Variants in COP1 observed in about 807,000 individuals in gnomAD.
COP1 encodes COP1 E3 ubiquitin ligase.
Under a neutral mutation model 101.3 loss-of-function variants are expected in COP1, and 24 were observed. The observed-to-expected ratio is 0.24, with a 90% CI of 0.17 to 0.33. COP1 has a LOEUF of 0.33. Ranked by LOEUF, COP1 falls within the 10% of genes least tolerant of loss-of-function variation. COP1 has a pLI of 1.00. For missense variants in COP1, 663 were observed against 906.2 expected, an observed-to-expected ratio of 0.73 and a Z score of 3.45; for synonymous variants, 347 against 341.9, an observed-to-expected ratio of 1.01 and a Z score of -0.17.
At position 176,044,849 on chromosome 1, in the gene COP1, C is replaced by T. The variant is rs151098190; in HGVS notation, c.1422-1031G>A. Among the ~76,000 whole-genome samples, 420 of 152,304 alleles carry T rather than the reference C, an allele frequency of 2.8e-3. 1 individual carries two copies. Among genetic ancestry groups the T allele is most frequent in the African/African-American group, 9.7e-3 (403 of 41,564 alleles). The stretch of plus-strand genomic sequence containing the variant: ...TCAGGAAGTATTGCACATTTTTACA[C>T]ATACAAATACAGAACAGGTAGACAG... On this transcript the variant is annotated intron_variant, in intron 12 of 19. Transcript: ENST00000367669.
chr1:176,142,726 A>C (rs1048681509), intron 6 of COP1, among the ~76,000 whole-genome samples: 3 of 152,106 alleles, frequency 2.0e-5, no homozygotes, highest in South Asian at 2.1e-4. Flanking sequence ...ACAAAAAAAA[A>C]ACAAAATCTC....
intron 1 of COP1, among the ~76,000 whole-genome samples, chr1:176,205,143 A>C (rs1700699214): frequency 1.3e-5 from 2 of 152,238 alleles, no homozygotes; most frequent in Admixed American, 1.3e-4. Context: ...GTATACTAAA[A>C]ATTAAAATGC....
intron 11 of COP1, among the ~76,000 whole-genome samples, chr1:176,068,842 T>TCC (rs1276924798): frequency 6.6e-6 from 1 of 152,182 alleles, no homozygotes; most frequent in Non-Finnish European, 1.5e-5. Context: ...CAAAATGCCT[T>TCC]CCCTTTAAAC....
At chr1:176,179,806 C>T (rs1031069165) in intron 2 of COP1, among the ~76,000 whole-genome samples, 3 of 151,348 alleles carry the variant, frequency 2.0e-5, no homozygotes, top group Non-Finnish European at 4.4e-5. Context: ...ATCCTCTTTT[C>T]TTTAGTATCC....
chr1:175,999,101 T>C (rs1403091365), intron 15 of COP1, among the ~76,000 whole-genome samples: 1 of 152,048 alleles, frequency 6.6e-6, no homozygotes, highest in Admixed American at 6.6e-5. Context: ...AGAAAGTAAA[T>C]GTAGCATCTA....
intron 15 of COP1, among the ~76,000 whole-genome samples, chr1:175,994,255 G>A (rs1172522823): frequency 2.0e-5 from 3 of 152,124 alleles, no homozygotes; most frequent in Non-Finnish European, 4.4e-5. Context: ...CACTAAACAT[G>A]GAAAGGAACA....
intron 14 of COP1, among the ~76,000 whole-genome samples, chr1:176,041,265 A>T (rs1376105747): frequency 1.3e-5 from 2 of 152,208 alleles, no homozygotes; most frequent in Admixed American, 6.5e-5. Flanking sequence ...ATCTAAAAAC[A>T]TCATTAGAAT....
At chr1:176,201,439 C>T (rs1700247167) in intron 1 of COP1, among the ~76,000 whole-genome samples, 1 of 152,056 alleles carries the variant, frequency 6.6e-6, no homozygotes. Flanking sequence ...GAAAAGTAAG[C>T]AACAAGGTTT....
At chr1:176,021,252 T>G (rs1183367077) in intron 15 of COP1, among the ~76,000 whole-genome samples, 2 of 152,206 alleles carry the variant, frequency 1.3e-5, no homozygotes, top group African/African-American at 4.8e-5. Flanking sequence ...CTTCCAAATT[T>G]TATTGGTTTT....
At chr1:176,134,902 A>G (rs1689550248) in intron 8 of COP1, 108 bp downstream of exon 8, 1 of 699,460 alleles carries the variant, frequency 1.4e-6, no homozygotes, top group Admixed American at 2.5e-5. Flanking sequence ...TGACCAAAGT[A>G]ATTTCTCAGG....
At chr1:176,092,860 G>A (rs1464456159) in intron 9 of COP1, among the ~76,000 whole-genome samples, 1 of 152,054 alleles carries the variant, frequency 6.6e-6, no homozygotes, top group Non-Finnish European at 1.5e-5. Context: ...TACATATCTA[G>A]GGAAACTCTT....
chr1:176,172,607 A>T (rs1696250158), intron 3 of COP1, among the ~76,000 whole-genome samples: 1 of 152,206 alleles, frequency 6.6e-6, no homozygotes. Flanking sequence ...CCATTACTTT[A>T]CCAGGCTAAG....
intron 2 of COP1, among the ~76,000 whole-genome samples, chr1:176,183,294 T>C (rs1336400606): frequency 6.6e-6 from 1 of 152,192 alleles, no homozygotes; most frequent in Non-Finnish European, 1.5e-5. Flanking sequence ...GGGCCTGATT[T>C]CAATATGAAT....
At chr1:175,989,099 T>A (rs1404150110) in intron 16 of COP1, 1 of 280,320 alleles carries the variant, frequency 3.6e-6, no homozygotes, top group African/African-American at 2.2e-5. Context: ...CAATTAAACA[T>A]AGGAGGATGA....
At chr1:176,142,558 A>C (rs1690868404) in intron 6 of COP1, among the ~76,000 whole-genome samples, 1 of 152,120 alleles carries the variant, frequency 6.6e-6, no homozygotes, top group Non-Finnish European at 1.5e-5. Flanking sequence ...CACACATTTA[A>C]CAACTTTACA....
Position 176,061,436 on chromosome 1 carries a change from G to A in COP1, c.1278-15112C>T, listed in dbSNP as rs966973197. Among the ~76,000 whole-genome samples the A allele has an allele frequency of 3.9e-5, 6 of 152,256 alleles. No homozygotes were observed. The East Asian group carries it at 1.2e-3, about 29-fold the overall frequency. On this transcript the variant is annotated intron_variant, in intron 11 of 19. Coordinates refer to ENST00000367669, the MANE Select transcript of COP1 (RefSeq NM_022457.7). Reference sequence around the variant, plus strand: ...GAGGTCAGGAGTTCGAGATCAGCCTGACCAACATGGAAACACCTTATCTCT... The same window carrying A: ...GAGGTCAGGAGTTCGAGATCAGCCTAACCAACATGGAAACACCTTATCTCT...
chr1:175,967,063 G>A (rs1039283440), intron 18 of COP1, among the ~76,000 whole-genome samples: 2 of 151,980 alleles, frequency 1.3e-5, no homozygotes, highest in Non-Finnish European at 1.5e-5. Context: ...TCTTAAAATC[G>A]TTCATTAGAA....
At chr1:176,107,663 A>T (rs1684545013) in intron 9 of COP1, among the ~76,000 whole-genome samples, 1 of 152,204 alleles carries the variant, frequency 6.6e-6, no homozygotes, top group Non-Finnish European at 1.5e-5. Flanking sequence ...TATTATTATA[A>T]GTAAGATACA....
intron 18 of COP1, among the ~76,000 whole-genome samples, chr1:175,961,687 C>A (rs1174903967): frequency 2.8e-5 from 3 of 107,688 alleles, no homozygotes; most frequent in Non-Finnish European, 3.7e-5. Context: ...CAGAGTGAGA[C>A]CCTGTCTCAA....
Sources: gnomAD v4.1 joint callset for allele counts (sites outside exome capture counted in the v4.1 genomes callset) on GRCh38, gnomAD v4.1.1 for gene constraint, MANE v1.5 for transcripts, NCBI Gene and HGNC (gene_info 2026-07-23, HGNC 2026-07-21) for gene names.